NPTN: variants seen among roughly 807,000 people sequenced by gnomAD.
NPTN encodes SDR-1.
NPTN carries 5 observed loss-of-function variants against 42.7 expected under a neutral mutation model. The ratio of observed to expected loss-of-function variants is 0.12; its 90% CI spans 0.06 to 0.25. The LOEUF is 0.25. NPTN is among the 10% of genes least tolerant of loss of function. The pLI is 1.00. For missense variants in NPTN, 307 were observed against 525.4 expected (o/e 0.58, Z 4.06); for synonymous variants, 180 against 201.9 (o/e 0.89, Z 0.92).
At chr15:73,624,220 T>C (rs904309920) in intron 1 of NPTN, among the ~76,000 whole-genome samples, 2 of 152,234 alleles carry the variant, frequency 1.3e-5, no homozygotes, top group African/African-American at 2.4e-5. Flanking sequence ...GTTAGCACCA[T>C]ACTTTTGATA....
At chr15:73,612,713 TG>T (rs2141454112) in intron 1 of NPTN, among the ~76,000 whole-genome samples, 1 of 152,098 alleles carries the variant, frequency 6.6e-6, no homozygotes, top group East Asian at 1.9e-4. Context: ...GAGCTTGCAG[TG>T]AGCAGAGATG....
At chr15:73,582,372 G>A (rs1896093888) in intron 4 of NPTN, among the ~76,000 whole-genome samples, 1 of 152,150 alleles carries the variant, frequency 6.6e-6, no homozygotes, top group Non-Finnish European at 1.5e-5. Context: ...TTTACTGCTT[G>A]CCAAGAGCTA....
At chr15:73,573,916 C>G in intron 4 of NPTN, 121 bp from the exon 5 acceptor site, 1 of 1,279,056 alleles carries the variant, frequency 7.8e-7, no homozygotes, top group Non-Finnish European at 1.1e-6. Flanking sequence ...TACTGTCATA[C>G]TCAGCTTTGA....
At chr15:73,575,360 G>C (rs192362529) in intron 4 of NPTN, among the ~76,000 whole-genome samples, 5 of 152,254 alleles carry the variant, frequency 3.3e-5, no homozygotes, top group Non-Finnish European at 7.4e-5. Context: ...CAGATGATCT[G>C]CCCGCCTCAG....
At chr15:73,579,349 A>C (rs991112449) in intron 4 of NPTN, among the ~76,000 whole-genome samples, 1 of 152,074 alleles carries the variant, frequency 6.6e-6, no homozygotes, top group Non-Finnish European at 1.5e-5. Context: ...GTTCAGGGAA[A>C]TGTTCTATGT....
chr15:73,567,639 T>C, intron 6 of NPTN: 2 of 985,374 alleles, frequency 2.0e-6, no homozygotes, highest in Non-Finnish European at 2.4e-6. Flanking sequence ...TTTTGTTTAA[T>C]GATTACTTCC....
chr15:73,632,865 G>A (rs1339318461), intron 1 of NPTN: 3 of 372,290 alleles, frequency 8.1e-6, no homozygotes, highest in South Asian at 1.1e-4. Flanking sequence ...GGCACGACGA[G>A]CCCCACGACG....
At chr15:73,566,792 A>G (rs533638943) in intron 6 of NPTN, among the ~76,000 whole-genome samples, 18 of 152,344 alleles carry the variant, frequency 1.2e-4, no homozygotes, top group African/African-American at 4.1e-4. Context: ...TCAAGTGAAC[A>G]AAACAAAGCT....
intron 1 of NPTN, among the ~76,000 whole-genome samples, chr15:73,624,815 G>T (rs2141476260): frequency 6.6e-6 from 1 of 152,228 alleles, no homozygotes; most frequent in Non-Finnish European, 1.5e-5. Context: ...AAACTCAAAG[G>T]CTCAGGAATA....
rs998366347 is a variant in NPTN, at chr15:73,587,386, G to A, written c.706+138C>T. 6 of 627,400 alleles carry A rather than the reference G, an allele frequency of 9.6e-6. No individual in the cohort carries two copies. The African/African-American group carries it at 1.1e-4, about 12-fold the overall frequency. 38.9% of individuals were successfully genotyped at this position (627,400 alleles called of 1,614,324 possible). Reference sequence around the variant, plus strand: ...TTTAAACCCAGGCAGCCACGATCCTGAGCCTGTGGCCTAACCACAACATTA... The same window carrying A: ...TTTAAACCCAGGCAGCCACGATCCTAAGCCTGTGGCCTAACCACAACATTA... On this transcript the variant is annotated intron_variant, in intron 4 of 8. Coordinates refer to ENST00000345330, the MANE Select transcript of NPTN (RefSeq NM_012428.4).
At chr15:73,572,905 G>A (rs1056294702) in intron 5 of NPTN, among the ~76,000 whole-genome samples, 1 of 152,026 alleles carries the variant, frequency 6.6e-6, no homozygotes, top group Non-Finnish European at 1.5e-5. Flanking sequence ...TCATGGGGGC[G>A]GATATCCCCT....
chr15:73,593,654 G>A (rs572890559), intron 2 of NPTN, among the ~76,000 whole-genome samples: 2 of 152,332 alleles, frequency 1.3e-5, no homozygotes, highest in South Asian at 2.1e-4. Flanking sequence ...CCTCCTAACC[G>A]ATGTAACATT....
chr15:73,567,954 C>T (rs1895130167), intron 6 of NPTN: 1 of 985,350 alleles, frequency 1.0e-6, no homozygotes, highest in Admixed American at 6.1e-5. Context: ...ACCCTGCCGT[C>T]ATCTCTTTTA....
chr15:73,597,340 T>C lies in NPTN; in HGVS notation c.121A>G (p.Thr41Ala). The change falls in exon 2 of 9, where the codon ACT becomes GCT. Residue 41 changes from threonine to alanine, a missense_variant. By Grantham distance (58) the Thr-to-Ala change is moderately conservative. This residue lies in a region of NPTN where 264 missense variants were observed against 491.1 expected (regional missense o/e 0.54). Transcript: ENST00000345330. This position sits in a 1 kb window ranked among gnomAD's most constrained non-coding sequence, Gnocchi z 6.3. ...AGFVKSPMSETKLTGDAFELY... is the reference protein window; with the variant it reads ...AGFVKSPMSEAKLTGDAFELY... The stretch of plus-strand genomic sequence containing the variant: ...TCAAAGGCGTCCCCCGTGAGCTTAG[T>C]TTCTGACATGGGCGACTTGACAAAC... 6.2e-7 allele frequency: 1 copy of C among 1,612,176 alleles called. No individual in the cohort carries two copies. Among genetic ancestry groups the C allele is most frequent in the South Asian group, 1.1e-5 (1 of 90,952 alleles).
chr15:73,590,915 T>A (rs1445063637), intron 3 of NPTN, among the ~76,000 whole-genome samples: 2 of 152,140 alleles, frequency 1.3e-5, no homozygotes, highest in South Asian at 2.1e-4. Context: ...TTTTTTTTTT[T>A]ATCAGAAGAA....
chr15:73,623,191 C>T (rs1296642207), intron 1 of NPTN, among the ~76,000 whole-genome samples: 1 of 152,088 alleles, frequency 6.6e-6, no homozygotes, highest in Non-Finnish European at 1.5e-5. Flanking sequence ...GTATTCAACA[C>T]GTATTGGAAG....
At chr15:73,584,680 T>C (rs1310167037) in intron 4 of NPTN, among the ~76,000 whole-genome samples, 1 of 150,404 alleles carries the variant, frequency 6.6e-6, no homozygotes, top group Non-Finnish European at 1.5e-5. Flanking sequence ...CTTCTCTCCA[T>C]CTGTGCAGAT....
At chr15:73,598,627 A>G (rs1896937245) in intron 1 of NPTN, among the ~76,000 whole-genome samples, 1 of 152,190 alleles carries the variant, frequency 6.6e-6, no homozygotes, top group African/African-American at 2.4e-5. Context: ...AGGTATAAAG[A>G]GAGACACTAA....
At chr15:73,615,324 G>T (rs1418321418) in intron 1 of NPTN, among the ~76,000 whole-genome samples, 2 of 152,010 alleles carry the variant, frequency 1.3e-5, no homozygotes, top group African/African-American at 4.8e-5. Flanking sequence ...TATAACAGCA[G>T]CTAGCCTTTA....
Sources: allele counts gnomAD v4.1 joint callset (sites outside exome capture counted in the v4.1 genomes callset), GRCh38; gene constraint gnomAD v4.1.1; regional missense constraint gnomAD v4.1.1; non-coding constraint Gnocchi (gnomAD v3.1); transcripts MANE v1.5; gene names NCBI Gene and HGNC (gene_info 2026-07-23, HGNC 2026-07-21).